Variants in NDE1 observed in about 807,000 individuals in gnomAD.
NDE1 encodes the protein nuclear distribution protein nudE homolog 1.
Under a neutral mutation model 43.4 loss-of-function variants are expected in NDE1, and 28 were observed. The ratio of observed to expected loss-of-function variants is 0.65; its 90% CI spans 0.48 to 0.89. The LOEUF (loss-of-function observed/expected upper bound fraction) is 0.89. NDE1 is among the 40% of genes least tolerant of loss of function. The probability of loss-of-function intolerance (pLI) is 0.00; values close to 1 mark genes in which losing one functional copy is unlikely to be tolerated. For missense variants in NDE1, 441 were observed against 434.1 expected, an observed-to-expected ratio of 1.02 and a Z score of -0.14; for synonymous variants, 184 against 172.0, an observed-to-expected ratio of 1.07 and a Z score of -0.55.
Position 15,677,674 on chromosome 16 carries a change from CCT to C in NDE1, c.238-126_238-125del, listed in dbSNP as rs1360724935. On this transcript the variant is annotated intron_variant, in intron 3 of 8. Coordinates refer to ENST00000396354, the MANE Select transcript of NDE1 (RefSeq NM_017668.3). ...TCATAGCTCACTGCAGCCTCTAACT[CCT>C]GGGCTCAGGCAGTCCTCCCAGTTTA... 2.0e-5 allele frequency: 19 copies of C among 965,862 alleles called. No individual in the cohort carries two copies. The African/African-American group carries it at 2.7e-4, about 14-fold the overall frequency. 59.8% of individuals were successfully genotyped at this position (965,862 alleles called of 1,614,324 possible).
rs751392125 is a variant in NDE1, at chr16:15,699,804, A to C, written c.947+2944A>C. Reference sequence around the variant, plus strand: ...CGCCGCTGCCGTCAGCCCAGGGGGTAGTCAAGATGTTGCTTTAGGAAAACC... The same window carrying C: ...CGCCGCTGCCGTCAGCCCAGGGGGTCGTCAAGATGTTGCTTTAGGAAAACC... On this transcript the variant is annotated intron_variant, in intron 8 of 8. Transcript: ENST00000396354. 3.0e-6 allele frequency: 4 copies of C among 1,351,288 alleles called. No individual in the cohort carries two copies. The East Asian group carries it at 1.8e-4, about 61-fold the overall frequency. 83.7% of individuals were successfully genotyped at this position (1,351,288 alleles called of 1,614,324 possible).
chr16:15,690,102 G>A (rs575345050), intron 5 of NDE1, among the ~76,000 whole-genome samples: 23 of 152,060 alleles, frequency 1.5e-4, no homozygotes, highest in Non-Finnish European at 2.5e-4. Context: ...GTGCAGTGGC[G>A]TGATCTCAGC....
In NDE1 at chr16:15,725,188, A is replaced by AGGGAACTCCGTCACCTATGAGTT. The variant is rs1748417714; in HGVS notation, c.*942_*964dup. 3.2e-6 allele frequency: 2 copies of AGGGAACTCCGTCACCTATGAGTT among 625,094 alleles called. No individual in the cohort carries two copies. Among genetic ancestry groups the AGGGAACTCCGTCACCTATGAGTT allele is most frequent in the Admixed American group, 2.8e-5 (1 of 35,524 alleles). The allele number at this position is 625,094 out of a possible 1,614,324, so 38.7% of individuals were successfully genotyped here. On this transcript the variant is annotated 3_prime_UTR_variant, in exon 9 of 9. Transcript: ENST00000396354. ...AAAAAAAACAGAATCTGTGGCTTGA[A>AGGGAACTCCGTCACCTATGAGTT]GGGAACTCCGTCACCTATGAGTTGG...
At chr16:15,714,830 C>T in intron 8 of NDE1, 5 of 1,563,098 alleles carry the variant, frequency 3.2e-6, no homozygotes, top group East Asian at 2.2e-5. Flanking sequence ...GGGGCATTTG[C>T]AGGCCGAAAG....
chr16:15,683,375 GCT>G (rs1357946574), intron 4 of NDE1: 2 of 151,922 alleles, frequency 1.3e-5, no homozygotes, highest in Non-Finnish European at 2.9e-5. Context: ...ACAGAGTCTA[GCT>G]CTGTTACCCA....
chr16:15,673,547 ATTTTTT>A (rs34853720), intron 3 of NDE1, among the ~76,000 whole-genome samples: 2 of 137,610 alleles, frequency 1.5e-5, no homozygotes, highest in African/African-American at 2.7e-5. Flanking sequence ...CAGGCTGGTG[ATTTTTT>A]TTTTTTTTTT....
chr16:15,703,332 G>C (rs1384880951), intron 8 of NDE1: 7 of 232,008 alleles, frequency 3.0e-5, no homozygotes, highest in Non-Finnish European at 6.0e-5. Context: ...GGCCTGACGT[G>C]AGAAGTTGGA....
intron 3 of NDE1, among the ~76,000 whole-genome samples, chr16:15,674,078 C>A (rs1240307231): frequency 6.6e-6 from 1 of 152,128 alleles, no homozygotes; most frequent in African/African-American, 2.4e-5. Flanking sequence ...GAGGCCAGCA[C>A]AGAATAAGTA....
At chr16:15,660,645 A>G (rs1012169634) in intron 1 of NDE1, among the ~76,000 whole-genome samples, 7 of 151,942 alleles carry the variant, frequency 4.6e-5, no homozygotes, top group African/African-American at 1.7e-4. Context: ...TTACTCCTGC[A>G]CTCAGTTCTT....
chr16:15,682,321 A>G (rs1233875099), intron 4 of NDE1, among the ~76,000 whole-genome samples: 1 of 152,276 alleles, frequency 6.6e-6, no homozygotes, highest in East Asian at 1.9e-4. Context: ...TAATTTGTGT[A>G]TTCTTTGTAA....
intron 5 of NDE1, among the ~76,000 whole-genome samples, chr16:15,690,563 A>G (rs1050697973): frequency 3.3e-5 from 5 of 151,238 alleles, no homozygotes; most frequent in Non-Finnish European, 5.9e-5. Context: ...CTATGTTGGA[A>G]TTGTTTTTTC....
At chr16:15,656,672 A>G (rs1307918559) in intron 1 of NDE1, among the ~76,000 whole-genome samples, 1 of 151,894 alleles carries the variant, frequency 6.6e-6, no homozygotes, top group African/African-American at 2.4e-5. Flanking sequence ...TCCTGAGTAG[A>G]TGGGATTACA....
chr16:15,718,856 G>A (rs368555958), intron 8 of NDE1: 40 of 405,432 alleles, frequency 9.9e-5, no homozygotes, highest in Middle Eastern at 7.9e-4. Context: ...GGCCAGGCAC[G>A]GTGGCTCACA....
rs201960644 is a variant in NDE1, at chr16:15,717,308, G to T, written c.948-6883G>T. On this transcript the variant is annotated intron_variant, in intron 8 of 8. Coordinates refer to ENST00000396354, the MANE Select transcript of NDE1 (RefSeq NM_017668.3). ...CCGGGCACTCTCATTCTTCTGGGCC[G>T]TGCTGCGCTCTGTGGCCAGCTCGTT... The T allele has an allele frequency of 8.2e-5, 132 of 1,611,880 alleles. No homozygotes were observed. Among genetic ancestry groups the T allele is most frequent in the Non-Finnish European group, 1.1e-4 (129 of 1,180,040 alleles).
intron 1 of NDE1, among the ~76,000 whole-genome samples, chr16:15,656,325 A>G (rs955208461): frequency 4.6e-5 from 7 of 152,044 alleles, no homozygotes; most frequent in Non-Finnish European, 1.0e-4. Flanking sequence ...GCTGTGATAC[A>G]AATCCAGTTC....
At chr16:15,721,686 A>G in intron 8 of NDE1, 4 of 1,589,680 alleles carry the variant, frequency 2.5e-6, no homozygotes, top group Non-Finnish European at 3.5e-6. Context: ...GGTCAGCGTC[A>G]CTGAATTGTA....
intron 8 of NDE1, chr16:15,703,226 G>GCGTCTC (rs2039281076): frequency 4.7e-6 from 1 of 212,136 alleles, no homozygotes; most frequent in African/African-American, 2.3e-5. Flanking sequence ...CGTGGGAGCA[G>GCGTCTC]CGTCTCCTTT....
chr16:15,661,337 A>G (rs1239998609), intron 1 of NDE1, among the ~76,000 whole-genome samples: 2 of 152,032 alleles, frequency 1.3e-5, no homozygotes, highest in Non-Finnish European at 2.9e-5. Flanking sequence ...TTTAATAGAG[A>G]CAGTGTTTCA....
At chr16:15,691,368 T>G in intron 6 of NDE1, 45 bp downstream of exon 6, 2 of 1,598,254 alleles carry the variant, frequency 1.3e-6, no homozygotes, top group Non-Finnish European at 1.7e-6. Flanking sequence ...TCACAAAGTG[T>G]TTCTGGGTAA....
Sources: gnomAD v4.1 joint callset for allele counts (sites outside exome capture counted in the v4.1 genomes callset) on GRCh38, gnomAD v4.1.1 for gene constraint, MANE v1.5 for transcripts, NCBI Gene and HGNC (gene_info 2026-07-23, HGNC 2026-07-21) for gene names.